The following CEP112 variants were observed in gnomAD, a reference collection of about 807,000 sequenced individuals.
The protein encoded by CEP112 is centrosomal protein of 112 kDa.
In CEP112, 127 loss-of-function variants were observed where a neutral mutation model predicts 153.0. The ratio of observed to expected loss-of-function variants is 0.83; its 90% CI spans 0.72 to 0.96. The LOEUF (loss-of-function observed/expected upper bound fraction) is 0.96, where lower values mean the gene tolerates loss of function less well. CEP112 is among the 40% of genes least tolerant of loss of function. The probability of loss-of-function intolerance (pLI) is 0.00; values close to 1 mark genes in which losing one functional copy is unlikely to be tolerated. For missense variants in CEP112, 1,089 were observed against 1,101.2 expected (o/e 0.99, Z 0.16); for synonymous variants, 358 against 374.4 (o/e 0.96, Z 0.51).
intron 17 of CEP112, among the ~76,000 whole-genome samples, chr17:65,997,815 T>C (rs1036898345): frequency 6.7e-6 from 1 of 150,178 alleles, no homozygotes; most frequent in African/African-American, 2.5e-5. Context: ...ACACACACAA[T>C]CTTTTTTCTA....
intron 6 of CEP112, among the ~76,000 whole-genome samples, chr17:66,108,219 TCTCC>T: frequency 6.6e-6 from 1 of 151,884 alleles, no homozygotes; most frequent in Non-Finnish European, 1.5e-5. Flanking sequence ...CTGGGGAAAC[TCTCC>T]AGGACATTGG....
chr17:65,664,889 A>G (rs545871979), intron 24 of CEP112, among the ~76,000 whole-genome samples: 14 of 152,328 alleles, frequency 9.2e-5, no homozygotes, highest in Admixed American at 7.8e-4. Context: ...GAAATCCAAG[A>G]TCAGGGTACC....
At chr17:65,867,401 A>C (rs1045138858) in intron 20 of CEP112, among the ~76,000 whole-genome samples, 1 of 152,254 alleles carries the variant, frequency 6.6e-6, no homozygotes, top group African/African-American at 2.4e-5. Context: ...CACTGGCCAC[A>C]GAGGTTTCTG....
intron 23 of CEP112, among the ~76,000 whole-genome samples, chr17:65,736,769 C>T (rs947341323): frequency 3.9e-5 from 6 of 152,146 alleles, no homozygotes; most frequent in Non-Finnish European, 5.9e-5. Context: ...GCCTCATTGA[C>T]GTGGACAGAA....
intron 18 of CEP112, among the ~76,000 whole-genome samples, chr17:65,947,837 C>A (rs60350864): frequency 0.065 from 9,821 of 151,740 alleles, 458 homozygotes; most frequent in African/African-American, 0.12. Flanking sequence ...AATAATTAAC[C>A]AAGAGAAAAT....
At chr17:65,962,825 C>G (rs987936998) in intron 17 of CEP112, among the ~76,000 whole-genome samples, 7 of 152,168 alleles carry the variant, frequency 4.6e-5, no homozygotes, top group African/African-American at 1.7e-4. Flanking sequence ...TGACTTGCTC[C>G]TCCTTGCCTT....
At chr17:65,872,154 T>C (rs903775212) in intron 20 of CEP112, among the ~76,000 whole-genome samples, 1 of 152,158 alleles carries the variant, frequency 6.6e-6, no homozygotes, top group Non-Finnish European at 1.5e-5. Flanking sequence ...ATTGTTAATT[T>C]TAAGTTATTT....
intron 21 of CEP112, among the ~76,000 whole-genome samples, chr17:65,783,700 G>A (rs2054120058): frequency 6.6e-6 from 1 of 152,158 alleles, no homozygotes; most frequent in South Asian, 2.1e-4. Flanking sequence ...AAAGCAATAA[G>A]TATGATGCCC....
chr17:65,645,383 A>G (rs1391031413), intron 24 of CEP112, among the ~76,000 whole-genome samples: 1 of 152,050 alleles, frequency 6.6e-6, no homozygotes, highest in Non-Finnish European at 1.5e-5. Context: ...TTATCGTTTT[A>G]TATCTATTTT....
At chr17:66,162,198 G>C (rs1283509168) in intron 4 of CEP112, among the ~76,000 whole-genome samples, 1 of 152,022 alleles carries the variant, frequency 6.6e-6, no homozygotes, top group Admixed American at 6.6e-5. Context: ...CTTCACATAA[G>C]AGGATATCCA....
At chr17:65,675,630 A>T (rs2047195540) in intron 24 of CEP112, among the ~76,000 whole-genome samples, 1 of 149,060 alleles carries the variant, frequency 6.7e-6, no homozygotes, top group Non-Finnish European at 1.5e-5. Flanking sequence ...AGAATATTAT[A>T]ATAAAAGAAA....
chr17:65,724,025 A>G (rs2050039096), intron 23 of CEP112, among the ~76,000 whole-genome samples: 1 of 152,048 alleles, frequency 6.6e-6, no homozygotes, highest in Non-Finnish European at 1.5e-5. Flanking sequence ...ACAGAGACAT[A>G]AAAGCTGAAG....
At chr17:65,660,653 T>C (rs1246534075) in intron 24 of CEP112, among the ~76,000 whole-genome samples, 1 of 151,932 alleles carries the variant, frequency 6.6e-6, no homozygotes, top group Non-Finnish European at 1.5e-5. Flanking sequence ...TAGGTGATCC[T>C]CCCACCTCAA....
intron 17 of CEP112, among the ~76,000 whole-genome samples, chr17:65,972,837 C>T (rs1389868602): frequency 6.6e-6 from 1 of 152,226 alleles, no homozygotes; most frequent in African/African-American, 2.4e-5. Context: ...GTGATCTCAG[C>T]TCACTGCAAC....
At chr17:65,932,362 CA>C (rs2061156900) in intron 18 of CEP112, among the ~76,000 whole-genome samples, 1 of 152,096 alleles carries the variant, frequency 6.6e-6, no homozygotes, top group African/African-American at 2.4e-5. Flanking sequence ...CAAAAAAAAT[CA>C]AGGAAATATA....
chr17:65,640,156 T>TATATATATATATATATA (rs1567796006), intron 25 of CEP112, among the ~76,000 whole-genome samples: 15 of 32,328 alleles, frequency 4.6e-4, no homozygotes, highest in African/African-American at 3.0e-3. Flanking sequence ...ATATATATAT[T>TATATATATATATATATA]TTTTTTTTTT....
rs1243801889 is a variant in CEP112 at position 65,970,209 on chromosome 17, A to G, written c.1737-8611T>C. 3.6e-5 allele frequency among the ~76,000 whole-genome samples: 4 copies of G among 110,512 alleles called. No homozygotes were observed. In the East Asian group the frequency reaches 4.2e-3, roughly 115 times the overall value. The allele number at this position is 110,512 out of a possible 152,430, so 72.5% of individuals were successfully genotyped here. A position where few individuals can be genotyped will look rare whatever the true frequency, so the allele number is the denominator to read the frequency against. On this transcript the variant is annotated intron_variant, in intron 17 of 26. Transcript: ENST00000535342. ...CATGCATATATGCTGCATGCATGTC[A>G]TGCATGCATATACCATGCATATATG...
intron 21 of CEP112, among the ~76,000 whole-genome samples, chr17:65,799,823 C>A (rs1328405328): frequency 2.6e-5 from 4 of 152,220 alleles, no homozygotes; most frequent in Non-Finnish European, 2.9e-5. Context: ...TGCTCACACA[C>A]ACACTGGCAC....
intron 19 of CEP112, among the ~76,000 whole-genome samples, 166 bp downstream of exon 19, chr17:65,927,416 T>A (rs2060966850): frequency 2.6e-5 from 4 of 152,238 alleles, no homozygotes. Context: ...AGTGTTAAAA[T>A]TCTGTTTATA....
Sources: gnomAD v4.1 joint callset for allele counts (sites outside exome capture counted in the v4.1 genomes callset) on GRCh38, gnomAD v4.1.1 for gene constraint, MANE v1.5 for transcripts, NCBI Gene and HGNC (gene_info 2026-07-23, HGNC 2026-07-21) for gene names.